FBXL2: variants seen among roughly 807,000 people sequenced by gnomAD.
FBXL2 encodes the protein F-box and leucine rich repeat protein 2.
Under a neutral mutation model 69.2 loss-of-function variants are expected in FBXL2, and 38 were observed. The ratio of observed to expected loss-of-function variants is 0.55; its 90% CI spans 0.42 to 0.72. FBXL2 has a LOEUF of 0.72. Ranked by LOEUF, FBXL2 falls within the 30% of genes least tolerant of loss-of-function variation. The pLI, the probability that FBXL2 is intolerant of heterozygous loss-of-function variation, is 0.00. For missense variants in FBXL2, 354 were observed against 520.3 expected, an observed-to-expected ratio of 0.68 and a Z score of 3.11; for synonymous variants, 192 against 201.3, an observed-to-expected ratio of 0.95 and a Z score of 0.39.
At chr3:33,379,574 C>T (rs1007171875) in intron 13 of FBXL2, among the ~76,000 whole-genome samples, 3 of 151,026 alleles carry the variant, frequency 2.0e-5, no homozygotes, top group South Asian at 2.1e-4. Flanking sequence ...TGGCTGGTCT[C>T]GAACTCCTGA....
At chr3:33,343,384 A>G (rs534669158) in intron 2 of FBXL2, among the ~76,000 whole-genome samples, 11,280 of 152,124 alleles carry the variant, frequency 0.074, 609 homozygotes, top group Non-Finnish European at 0.12. Flanking sequence ...TCCCCAACTG[A>G]AACTTCAGCC....
intron 12 of FBXL2, chr3:33,396,656 T>C: frequency 2.4e-6 from 1 of 411,316 alleles, no homozygotes; most frequent in Non-Finnish European, 4.6e-6. Context: ...TTACAGTTTC[T>C]GTCATTTTAA....
At chr3:33,402,624 G>A (rs936833942) in intron 12 of FBXL2, among the ~76,000 whole-genome samples, 1 of 152,148 alleles carries the variant, frequency 6.6e-6, no homozygotes, top group African/African-American at 2.4e-5. Context: ...AGTAAAAAAG[G>A]CTGGTAGGTG....
chr3:33,411,806 T>C, the FBXL2 span: 6 of 756,718 alleles, frequency 7.9e-6, no homozygotes, highest in East Asian at 2.7e-5. Context: ...TGTCTTTCAA[T>C]GGTCTCCATG....
intron 1 of FBXL2, among the ~76,000 whole-genome samples, chr3:33,284,315 G>A (rs1167364138): frequency 6.6e-6 from 1 of 152,182 alleles, no homozygotes; most frequent in African/African-American, 2.4e-5. Flanking sequence ...ATACCCAGTA[G>A]TCATTCAGGA....
intron 1 of FBXL2, among the ~76,000 whole-genome samples, chr3:33,291,880 A>G (rs1332157136): frequency 2.0e-5 from 3 of 152,234 alleles, no homozygotes; most frequent in Admixed American, 1.3e-4. Flanking sequence ...AAAGTTTGCA[A>G]TTGTCAGGCT....
At chr3:33,416,997 A>C in the FBXL2 span, among the ~76,000 whole-genome samples, 4 of 152,224 alleles carry the variant, frequency 2.6e-5, no homozygotes, top group African/African-American at 9.6e-5. Context: ...CCTGAAAATC[A>C]CACCAACCTT....
chr3:33,400,304 A>G (rs2044175158), intron 12 of FBXL2: 1 of 1,566,594 alleles, frequency 6.4e-7, no homozygotes, highest in Non-Finnish European at 8.7e-7. Flanking sequence ...GAAAATGAAC[A>G]TAAATAAAAG....
intron 2 of FBXL2, among the ~76,000 whole-genome samples, chr3:33,323,541 C>T (rs2038414286): frequency 6.6e-6 from 1 of 151,926 alleles, no homozygotes; most frequent in East Asian, 1.9e-4. Flanking sequence ...CTCTCACTTA[C>T]GAGTGAGAAC....
intron 12 of FBXL2, chr3:33,393,147 C>A: frequency 1.3e-6 from 1 of 746,314 alleles, no homozygotes; most frequent in Non-Finnish European, 2.0e-6. Context: ...CACTAGGATG[C>A]CTGAAACTCT....
chr3:33,390,189 C>A, downstream of FBXL2: 1 of 792,760 alleles, frequency 1.3e-6, no homozygotes, highest in Non-Finnish European at 2.0e-6. Flanking sequence ...TCTCATACAG[C>A]TCATTAGAAA....
At chr3:33,384,880 A>G (rs1160068785) in intron 14 of FBXL2, among the ~76,000 whole-genome samples, 3 of 151,968 alleles carry the variant, frequency 2.0e-5, no homozygotes, top group Non-Finnish European at 2.9e-5. Context: ...TACTAATAAT[A>G]TAAAAATTAG....
At chr3:33,376,956 C>T (rs1575398041) in intron 10 of FBXL2, among the ~76,000 whole-genome samples, 1 of 152,180 alleles carries the variant, frequency 6.6e-6, no homozygotes, top group African/African-American at 2.4e-5. Context: ...AGCCAAGATG[C>T]TCCACTGCAC....
At chr3:33,353,844 T>C (rs559147509) in intron 2 of FBXL2, among the ~76,000 whole-genome samples, 1 of 152,164 alleles carries the variant, frequency 6.6e-6, no homozygotes, top group Non-Finnish European at 1.5e-5. Context: ...GCCATGATCA[T>C]ACCACCATAC....
chr3:33,373,477 G>A, intron 7 of FBXL2, 101 bp from the exon 8 acceptor site: 2 of 1,568,940 alleles, frequency 1.3e-6, no homozygotes, highest in East Asian at 2.2e-5. Context: ...CCCAGGCATG[G>A]TCTCCCCTTC....
At chr3:33,414,720 G>A in the FBXL2 span, among the ~76,000 whole-genome samples, 4 of 152,188 alleles carry the variant, frequency 2.6e-5, no homozygotes, top group African/African-American at 4.8e-5. Flanking sequence ...TCCCAGACAA[G>A]CTTACAGAAT....
chr3:33,379,772 G>A (rs1464115153), intron 13 of FBXL2, among the ~76,000 whole-genome samples: 3 of 151,456 alleles, frequency 2.0e-5, no homozygotes, highest in East Asian at 3.9e-4. Flanking sequence ...TTAGCAAATA[G>A]AATGTAGCAA....
intron 9 of FBXL2, among the ~76,000 whole-genome samples, chr3:33,375,052 T>C (rs1313612951): frequency 6.6e-6 from 1 of 152,212 alleles, no homozygotes; most frequent in East Asian, 1.9e-4. Context: ...TTATTTAAAA[T>C]TTTTACTTTA....
chr3:33,282,669 C>T (rs1361325362), intron 1 of FBXL2, among the ~76,000 whole-genome samples: 5 of 152,160 alleles, frequency 3.3e-5, no homozygotes, highest in African/African-American at 1.2e-4. Context: ...TTGATTCTTC[C>T]TAGCCATGAG....
Sources: allele counts gnomAD v4.1 joint callset (sites outside exome capture counted in the v4.1 genomes callset), GRCh38; gene constraint gnomAD v4.1.1; transcripts MANE v1.5; gene names NCBI Gene and HGNC (gene_info 2026-07-23, HGNC 2026-07-21).